The following UBXN2B variants were observed in gnomAD, a reference collection of about 807,000 sequenced individuals.
The protein encoded by UBXN2B is UBX domain protein 2B.
In UBXN2B, 19 loss-of-function variants were observed where a neutral mutation model predicts 37.5. The observed-to-expected ratio is 0.51, with a 90% confidence interval of 0.35 to 0.74. The LOEUF (loss-of-function observed/expected upper bound fraction) is 0.74, where lower values mean the gene tolerates loss of function less well. Among genes scored for constraint, UBXN2B ranks in the 30% least tolerant of loss-of-function variants. The probability of loss-of-function intolerance (pLI) is 0.01; values close to 1 mark genes in which losing one functional copy is unlikely to be tolerated. For synonymous variants in UBXN2B, 145 were observed against 143.8 expected, an observed-to-expected ratio of 1.01 and a Z score of -0.06; for missense variants, 370 against 393.2, an observed-to-expected ratio of 0.94 and a Z score of 0.50.
chr8:58,425,538 T>C, intron 2 of UBXN2B: 3 of 1,077,384 alleles, frequency 2.8e-6, no homozygotes, highest in Non-Finnish European at 4.3e-6. Context: ...TATTTTTATA[T>C]CTATTTTTGT....
rs187964215 is a variant in UBXN2B at position 58,449,864 on chromosome 8, G to T, written c.*2313G>T. The T allele has an allele frequency of 3.3e-5, 5 of 152,262 alleles. No homozygotes were observed. The East Asian group carries it at 9.6e-4, about 29-fold the overall frequency. 9.4% of individuals were successfully genotyped at this position (152,262 alleles called of 1,614,324 possible). A position where few individuals can be genotyped will look rare whatever the true frequency, so the allele number is the denominator to read the frequency against. ...CTAAAGCTTTCTGTTAAAAATGGTGGTGCTTCTGCTGCTATAACGTTGTCA... is the reference window on the plus strand; with the variant it reads ...CTAAAGCTTTCTGTTAAAAATGGTGTTGCTTCTGCTGCTATAACGTTGTCA... On this transcript the variant is annotated 3_prime_UTR_variant, in exon 8 of 8. Coordinates refer to ENST00000399598, the MANE Select transcript of UBXN2B (RefSeq NM_001077619.2).
chr8:58,415,739 A>T (rs1807760803), intron 1 of UBXN2B, among the ~76,000 whole-genome samples: 1 of 152,106 alleles, frequency 6.6e-6, no homozygotes, highest in Non-Finnish European at 1.5e-5. Context: ...GGAAGTGCCT[A>T]AGTTACGATT....
At chr8:58,440,740 C>T (rs1238794351) in intron 6 of UBXN2B, among the ~76,000 whole-genome samples, 2 of 152,146 alleles carry the variant, frequency 1.3e-5, no homozygotes, top group Non-Finnish European at 2.9e-5. Flanking sequence ...GCCTCGTGTA[C>T]ACTGGTTGTC....
intron 6 of UBXN2B, among the ~76,000 whole-genome samples, chr8:58,440,304 C>T (rs149824684): frequency 4.6e-5 from 7 of 152,306 alleles, no homozygotes; most frequent in African/African-American, 1.7e-4. Flanking sequence ...GCATGTCTGC[C>T]ATCAGTAATG....
chr8:58,430,492 T>C, intron 2 of UBXN2B, 27 bp from the exon 3 acceptor site: 1 of 1,469,690 alleles, frequency 6.8e-7, no homozygotes, highest in African/African-American at 1.4e-5. Flanking sequence ...ATCCTAAGTT[T>C]TTATTCATGA....
At chr8:58,425,591 GT>G (rs1406226699) in intron 2 of UBXN2B, 1 of 1,053,162 alleles carries the variant, frequency 9.5e-7, no homozygotes, top group Admixed American at 1.7e-5. Context: ...CCGTAGAGAA[GT>G]ATGCACTCCT....
In UBXN2B at chr8:58,446,063, A is replaced by C; in HGVS notation, c.828A>C (p.Thr276=). 6.2e-7 allele frequency: 1 copy of C among 1,608,464 alleles called. No individual in the cohort carries two copies. The highest frequency in any genetic ancestry group is 8.5e-7 in the Non-Finnish European group (1 of 1,178,288). ...GSRLIQRFNS[T]HRILDVRNFI... is the part of the protein sequence containing the mutation. The stretch of plus-strand genomic sequence containing the variant: ...GTTTGATACAAAGATTCAATAGTAC[A>C]CACAGGTAAGCTTCTTTACCAACAG... Residue 276 remains threonine (T), a synonymous_variant, in exon 7 of 8, where the codon ACA becomes ACC. Transcript: ENST00000399598.
At chr8:58,442,178 C>A (rs893727323) in intron 6 of UBXN2B, among the ~76,000 whole-genome samples, 1 of 152,144 alleles carries the variant, frequency 6.6e-6, no homozygotes, top group Admixed American at 6.5e-5. Context: ...ATCATGAAAT[C>A]CTAGCTGCAA....
chr8:58,424,637 C>T (rs768246047), intron 2 of UBXN2B: 24 of 1,228,134 alleles, frequency 2.0e-5, no homozygotes, highest in African/African-American at 4.5e-5. Context: ...TTCATACACT[C>T]TAGCACTGTC....
intron 1 of UBXN2B, among the ~76,000 whole-genome samples, chr8:58,411,979 C>T (rs533069544): frequency 6.6e-6 from 1 of 152,320 alleles, no homozygotes; most frequent in African/African-American, 2.4e-5. Flanking sequence ...TATGCCCATA[C>T]AGCCTAGTTG....
intron 3 of UBXN2B, 35 bp from the exon 4 acceptor site, chr8:58,433,124 CT>C (rs1190452274): frequency 1.3e-6 from 2 of 1,488,342 alleles, no homozygotes; most frequent in African/African-American, 2.8e-5. Flanking sequence ...CTGAATAATC[CT>C]TTGTGAATTT....
chr8:58,417,175 A>G (rs1807806847), intron 2 of UBXN2B, among the ~76,000 whole-genome samples: 1 of 152,204 alleles, frequency 6.6e-6, no homozygotes, highest in South Asian at 2.1e-4. Flanking sequence ...AACTTACGGA[A>G]AAATTACCTT....
chr8:58,433,199 T>C lies in UBXN2B; in HGVS notation c.379T>C (p.Cys127Arg), dbSNP rs764207300. 7 of 1,613,340 alleles carry C rather than the reference T, an allele frequency of 4.3e-6. No homozygotes were observed. In the South Asian group the frequency reaches 6.6e-5, roughly 15 times the overall value. Residue 127 changes from cysteine to arginine, a missense_variant, in exon 4 of 8, where the codon TGT (cysteine) becomes CGT (arginine). Transcript: ENST00000399598. ...GGGYRLGSSF[C>R]KRSEYIYGEN... The stretch of plus-strand genomic sequence containing the variant: ...AGGATACAGATTGGGTAGTTCTTTT[T>C]GTAAGCGGTCTGAATATATCTATGG...
At chr8:58,412,067 ATTAG>A (rs1807653045) in intron 1 of UBXN2B, among the ~76,000 whole-genome samples, 1 of 152,240 alleles carries the variant, frequency 6.6e-6, no homozygotes, top group Non-Finnish European at 1.5e-5. Context: ...GGACACTAGT[ATTAG>A]TTAGCTAAAT....
At chr8:58,445,819 ATG>A in intron 6 of UBXN2B, 86 bp from the exon 7 acceptor site, 1 of 1,184,052 alleles carries the variant, frequency 8.4e-7, no homozygotes, top group South Asian at 2.0e-5. Context: ...GGAGACTCAA[ATG>A]AAGCCATGTT....
At chr8:58,418,686 C>T (rs1286898490) in intron 2 of UBXN2B, among the ~76,000 whole-genome samples, 1 of 152,178 alleles carries the variant, frequency 6.6e-6, no homozygotes, top group Non-Finnish European at 1.5e-5. Context: ...CCACAGCACT[C>T]CATTGTAAGA....
At position 58,449,194 on chromosome 8, in the gene UBXN2B, CT is replaced by C; in HGVS notation, c.*1645del. 6.6e-6 allele frequency: 1 copy of C among 152,130 alleles called. No homozygotes were observed. The allele number at this position is 152,130 out of a possible 1,614,324, so 9.4% of individuals were successfully genotyped here. ...TCCTTGTCTTGAAATCCATAGTAACCTTAATTACATCTGCAAAATCTCTTTT... is the reference window on the plus strand; with the variant it reads ...TCCTTGTCTTGAAATCCATAGTAACCTAATTACATCTGCAAAATCTCTTTT... On this transcript the variant is annotated 3_prime_UTR_variant, in exon 8 of 8. Transcript: ENST00000399598.
At chr8:58,424,196 A>G (rs901027084) in intron 2 of UBXN2B, among the ~76,000 whole-genome samples, 58 of 151,662 alleles carry the variant, frequency 3.8e-4, no homozygotes, top group African/African-American at 1.4e-3. Context: ...GACAATGAGG[A>G]AAAAAAAATT....
chr8:58,414,410 A>G (rs1486705153), intron 1 of UBXN2B, among the ~76,000 whole-genome samples: 1 of 152,226 alleles, frequency 6.6e-6, no homozygotes, highest in Non-Finnish European at 1.5e-5. Context: ...ATTTTGCTAT[A>G]TACTTTATTT....
Sources: gnomAD v4.1 joint callset for allele counts (sites outside exome capture counted in the v4.1 genomes callset) on GRCh38, gnomAD v4.1.1 for gene constraint, MANE v1.5 for transcripts, NCBI Gene and HGNC (gene_info 2026-07-23, HGNC 2026-07-21) for gene names.